Variants in USP48 observed in about 807,000 individuals in gnomAD.
USP48 encodes the protein ubiquitin specific peptidase 48.
In USP48, 43 loss-of-function variants were observed where a neutral mutation model predicts 150.7. That is an observed-to-expected ratio of 0.29 (90% CI 0.22 to 0.37). USP48 has a LOEUF of 0.37. Among genes scored for constraint, USP48 ranks in the 10% least tolerant of loss-of-function variants. The probability of loss-of-function intolerance (pLI) is 1.00; values close to 1 mark genes in which losing one functional copy is unlikely to be tolerated. For missense variants in USP48, 813 were observed against 1,249.6 expected (o/e 0.65, Z 5.27); for synonymous variants, 396 against 425.9 (o/e 0.93, Z 0.86).
chr1:21,687,991 T>C (rs1388577728), intron 24 of USP48, among the ~76,000 whole-genome samples: 1 of 152,140 alleles, frequency 6.6e-6, no homozygotes, highest in African/African-American at 2.4e-5. Context: ...TGCCTCATCA[T>C]TCCAGGGCCT....
intron 8 of USP48, among the ~76,000 whole-genome samples, 165 bp from the exon 9 acceptor site, chr1:21,736,790 T>C (rs1438266224): frequency 6.6e-6 from 1 of 152,170 alleles, no homozygotes; most frequent in Non-Finnish European, 1.5e-5. Flanking sequence ...ATAATTACAC[T>C]CCCTTAACAC....
intron 13 of USP48, 104 bp from the exon 14 acceptor site, chr1:21,721,270 A>C: frequency 6.9e-7 from 1 of 1,448,536 alleles, no homozygotes; most frequent in East Asian, 2.4e-5. Context: ...AACACTCAAC[A>C]TCAGCTACTG....
At chr1:21,750,759 A>C (rs1212358135) in intron 6 of USP48, among the ~76,000 whole-genome samples, 1 of 151,992 alleles carries the variant, frequency 6.6e-6, no homozygotes, top group Admixed American at 6.6e-5. Context: ...GCCCGCGCCT[A>C]TAATCCCAGC....
At chr1:21,773,219 C>A (rs971256327) in intron 1 of USP48, among the ~76,000 whole-genome samples, 5 of 142,170 alleles carry the variant, frequency 3.5e-5, no homozygotes, top group Admixed American at 2.1e-4. Context: ...CACACCACTG[C>A]ACTCCAGCCT....
intron 1 of USP48, among the ~76,000 whole-genome samples, chr1:21,781,318 A>C (rs1371290530): frequency 1.3e-5 from 2 of 152,128 alleles, no homozygotes; most frequent in Non-Finnish European, 2.9e-5. Flanking sequence ...GCATGCCTGT[A>C]ATCCCAGCTA....
chr1:21,680,010 A>G (rs1404900023), intron 26 of USP48, among the ~76,000 whole-genome samples: 1 of 152,118 alleles, frequency 6.6e-6, no homozygotes, highest in African/African-American at 2.4e-5. Context: ...CATTTTTCAT[A>G]AAGACGTTTT....
rs1220272959 is a variant in USP48 at position 21,706,522 on chromosome 1, G to C, written c.2156C>G (p.Ser719Cys). The change falls in exon 17 of 27, where the codon TCT becomes TGT. Residue 719 changes from serine (S) to cysteine (C), a missense_variant. By Grantham distance (112) the Ser-to-Cys change is moderately radical. Transcript: ENST00000308271. ...TTTATCCTGGAACAAATTTGGGAGA[G>C]AAGTCTTTTGCTCGTTTGCAATCAT... ...HKMIANEQKT[S>C]LPNLFQDKNR... is the part of the protein sequence containing the mutation. 1.2e-6 allele frequency: 2 copies of C among 1,614,184 alleles called. No individual in the cohort carries two copies. Among genetic ancestry groups the C allele is most frequent in the Admixed American group, 1.7e-5 (1 of 60,022 alleles).
chr1:21,755,491 G>A (rs2097830300), intron 3 of USP48, among the ~76,000 whole-genome samples: 1 of 152,190 alleles, frequency 6.6e-6, no homozygotes, highest in South Asian at 2.1e-4. Flanking sequence ...GAGCCTGGGA[G>A]GTTGAGGCTA....
intron 8 of USP48, among the ~76,000 whole-genome samples, chr1:21,736,947 C>T (rs896120254): frequency 2.0e-5 from 3 of 152,160 alleles, no homozygotes; most frequent in African/African-American, 7.2e-5. Context: ...ACTAGCGAGG[C>T]CACACGCTTC....
intron 15 of USP48, among the ~76,000 whole-genome samples, chr1:21,709,582 C>CT (rs908944387): frequency 7.2e-6 from 1 of 138,198 alleles, no homozygotes; most frequent in Non-Finnish European, 1.6e-5. Context: ...CCTTTTTATG[C>CT]TTTAAAAAAA....
chr1:21,781,149 T>C (rs930645751), intron 1 of USP48, among the ~76,000 whole-genome samples: 1 of 143,924 alleles, frequency 6.9e-6, no homozygotes, highest in African/African-American at 2.5e-5. Flanking sequence ...TGGCGGGCGG[T>C]GGCTCACGCC....
intron 26 of USP48, among the ~76,000 whole-genome samples, chr1:21,679,854 C>T (rs113477795): frequency 0.012 from 1,867 of 152,240 alleles, 17 homozygotes; most frequent in Non-Finnish European, 0.02. Flanking sequence ...CCACCATGCC[C>T]GGCTAATTTT....
intron 26 of USP48, among the ~76,000 whole-genome samples, chr1:21,680,203 G>A (rs556494254): frequency 6.6e-6 from 1 of 152,302 alleles, no homozygotes; most frequent in South Asian, 2.1e-4. Flanking sequence ...GGGGCTTCTG[G>A]AGTGGCCAGC....
chr1:21,736,711 T>C, intron 8 of USP48, 86 bp from the exon 9 acceptor site: 3 of 1,148,588 alleles, frequency 2.6e-6, no homozygotes, highest in Non-Finnish European at 3.5e-6. Context: ...ATTACGAATC[T>C]TTACACATGT....
chr1:21,684,554 T>C (rs1204383752), intron 25 of USP48, among the ~76,000 whole-genome samples: 3 of 152,236 alleles, frequency 2.0e-5, no homozygotes, highest in Admixed American at 6.5e-5. Flanking sequence ...TAGTTTAATA[T>C]AGTCCATTTG....
chr1:21,727,634 A>G (rs1408968847), intron 11 of USP48, among the ~76,000 whole-genome samples: 1 of 152,220 alleles, frequency 6.6e-6, no homozygotes, highest in African/African-American at 2.4e-5. Context: ...GTTCATTTCC[A>G]AATCATTTCC....
At chr1:21,778,345 C>T (rs1382877730) in intron 1 of USP48, among the ~76,000 whole-genome samples, 1 of 152,038 alleles carries the variant, frequency 6.6e-6, no homozygotes, top group African/African-American at 2.4e-5. Flanking sequence ...CCACTTCGCA[C>T]CCACTAGGAT....
intron 3 of USP48, among the ~76,000 whole-genome samples, chr1:21,756,302 G>C (rs1231586064): frequency 1.3e-5 from 2 of 151,244 alleles, no homozygotes; most frequent in Non-Finnish European, 2.9e-5. Flanking sequence ...CCAACATAGT[G>C]AAACGCTGTC....
intron 11 of USP48, among the ~76,000 whole-genome samples, chr1:21,725,787 A>G (rs1178870486): frequency 2.6e-5 from 4 of 151,816 alleles, no homozygotes; most frequent in Non-Finnish European, 5.9e-5. Flanking sequence ...AAGATGCAGT[A>G]TATGTAACAC....
Sources: allele counts gnomAD v4.1 joint callset (sites outside exome capture counted in the v4.1 genomes callset), GRCh38; gene constraint gnomAD v4.1.1; transcripts MANE v1.5; gene names NCBI Gene and HGNC (gene_info 2026-07-23, HGNC 2026-07-21).